The following CTC1 variants were observed in gnomAD, a reference collection of about 807,000 sequenced individuals.
CTC1 encodes the protein CST telomere replication complex component 1.
In CTC1, 91 loss-of-function variants were observed where a neutral mutation model predicts 136.3. The observed-to-expected ratio is 0.67, with a 90% CI of 0.56 to 0.79. CTC1 has a LOEUF of 0.79. Ranked by LOEUF, CTC1 falls within the 30% of genes least tolerant of loss-of-function variation. CTC1 has a pLI of 0.00. For synonymous variants in CTC1, 606 were observed against 613.8 expected (o/e 0.99, Z 0.19); for missense variants, 1,432 against 1,498.1 (o/e 0.96, Z 0.73).
At chr17:8,232,274 G>A in intron 12 of CTC1, 47 bp from the exon 13 acceptor site, 2 of 1,550,094 alleles carry the variant, frequency 1.3e-6, no homozygotes, top group Non-Finnish European at 1.7e-6. Flanking sequence ...GCAGGCATTG[G>A]GTATTTTGGT....
Position 8,227,103 on chromosome 17 carries a change from T to C in CTC1, c.*1077A>G, listed in dbSNP as rs951946155. On this transcript the variant is annotated 3_prime_UTR_variant, in exon 23 of 23. Coordinates refer to ENST00000651323, the MANE Select transcript of CTC1 (RefSeq NM_025099.6). The stretch of plus-strand genomic sequence containing the variant: ...GTCTACTTCAAATCTTAATATAGGG[T>C]ATTGCTACCATAAAAGCAGCATAAA... 6.6e-6 allele frequency: 1 copy of C among 150,512 alleles called. No individual in the cohort carries two copies. Among genetic ancestry groups the C allele is most frequent in the African/African-American group, 2.5e-5 (1 of 39,850 alleles). 9.3% of individuals were successfully genotyped at this position (150,512 alleles called of 1,614,324 possible). A position where few individuals can be genotyped will look rare whatever the true frequency, so the allele number is the denominator to read the frequency against.
chr17:8,241,843 C>A, intron 2 of CTC1, among the ~76,000 whole-genome samples: 1 of 83,860 alleles, frequency 1.2e-5, no homozygotes, highest in Non-Finnish European at 2.4e-5. Flanking sequence ...GAGTGAGACC[C>A]TGTCTCAAAA....
At position 8,228,522 on chromosome 17, in the gene CTC1, C is replaced by T. The variant is rs556097361; in HGVS notation, c.3495G>A (p.Pro1165=). The change falls in exon 22 of 23, where the codon CCG becomes CCA. Residue 1165 remains proline (P), a synonymous_variant. Coordinates refer to ENST00000651323, the MANE Select transcript of CTC1 (RefSeq NM_025099.6). ...CCTTACCTAATGGGACGATCTTCGACGGTTTCCTTTCCAGCTCAAAAGAAA... is the reference window on the plus strand; with the variant it reads ...CCTTACCTAATGGGACGATCTTCGATGGTTTCCTTTCCAGCTCAAAAGAAA... The part of the protein sequence containing the change: ...IVLSFELERK[P]SKIVPLEPPR... 1.9e-5 allele frequency: 30 copies of T among 1,614,112 alleles called. No homozygotes were observed. Among genetic ancestry groups the T allele is most frequent in the Admixed American group, 5.0e-5 (3 of 60,014 alleles).
In CTC1 at chr17:8,227,105, T is replaced by A. The variant is rs1338628087; in HGVS notation, c.*1075A>T. ...CTACTTCAAATCTTAATATAGGGTATTGCTACCATAAAAGCAGCATAAATC... is the reference window on the plus strand; with the variant it reads ...CTACTTCAAATCTTAATATAGGGTAATGCTACCATAAAAGCAGCATAAATC... On this transcript the variant is annotated 3_prime_UTR_variant, in exon 23 of 23. Coordinates refer to ENST00000651323, the MANE Select transcript of CTC1 (RefSeq NM_025099.6). 6.6e-6 allele frequency: 1 copy of A among 150,522 alleles called. No homozygotes were observed. Among genetic ancestry groups the A allele is most frequent in the Non-Finnish European group, 1.5e-5 (1 of 68,040 alleles). The allele number at this position is 150,522 out of a possible 1,614,324, so 9.3% of individuals were successfully genotyped here. A position where few individuals can be genotyped will look rare whatever the true frequency, so the allele number is the denominator to read the frequency against.
rs1196196727 is a variant in CTC1 at position 8,234,602 on chromosome 17, T to C, written c.1671A>G (p.Glu557=). The part of the protein sequence containing the change: ...SSFPTLATLK[E]EGQRKAWASF... Reference sequence around the variant, plus strand: ...AGGCCCAGGCCTTACGCTGTCCTTCTTCTTTCAGGGTGGCCAGAGTGGGGA... The same window carrying C: ...AGGCCCAGGCCTTACGCTGTCCTTCCTCTTTCAGGGTGGCCAGAGTGGGGA... Residue 557 remains glutamate, a synonymous_variant, in exon 10 of 23, where the codon GAA becomes GAG. Coordinates refer to ENST00000651323, the MANE Select transcript of CTC1 (RefSeq NM_025099.6). 1.9e-6 allele frequency: 3 copies of C among 1,612,250 alleles called. No individual in the cohort carries two copies. Among genetic ancestry groups the C allele is most frequent in the African/African-American group, 2.7e-5 (2 of 74,904 alleles).
rs781165878 is a variant in CTC1 at position 8,243,037 on chromosome 17, C to G, written c.145G>C (p.Val49Leu). The G allele has an allele frequency of 1.9e-6, 3 of 1,613,932 alleles. No individual in the cohort carries two copies. Among genetic ancestry groups the G allele is most frequent in the Non-Finnish European group, 2.5e-6 (3 of 1,179,944 alleles). Residue 49 changes from valine (V) to leucine (L), a missense_variant, in exon 2 of 23, where the codon GTC (valine) becomes CTC (leucine). By Grantham distance (32) the Val-to-Leu change is conservative. Transcript: ENST00000651323. ...TPLVIDCVKT[V>L]WLSQGRNQGS... Reference sequence around the variant, plus strand: ...TGGTTCCTTCCCTGGGACAACCAGACAGTCTTCACACAATCAATTACCAAT... The same window carrying G: ...TGGTTCCTTCCCTGGGACAACCAGAGAGTCTTCACACAATCAATTACCAAT...
intron 2 of CTC1, among the ~76,000 whole-genome samples, chr17:8,242,315 G>A (rs1477460175): frequency 6.6e-6 from 1 of 152,014 alleles, no homozygotes; most frequent in Non-Finnish European, 1.5e-5. Flanking sequence ...TTACAGGCAT[G>A]AGCCACTGCA....
rs2151508864 is a variant in CTC1, at chr17:8,231,902, C to G, written c.2385+1G>C. 1 of 1,613,676 alleles carries G rather than the reference C, an allele frequency of 6.2e-7. No individual in the cohort carries two copies. Among genetic ancestry groups the G allele is most frequent in the Non-Finnish European group, 8.5e-7 (1 of 1,179,812 alleles). On this transcript the variant is annotated splice_donor_variant, in intron 13 of 22. Transcript: ENST00000651323. LOFTEE classifies it high-confidence loss of function. ...CCTGGGTCCCTGGAGTCCCAGTTTACCTTCTGATCATTGTCGTCATTTCCC... is the reference window on the plus strand; with the variant it reads ...CCTGGGTCCCTGGAGTCCCAGTTTAGCTTCTGATCATTGTCGTCATTTCCC...
Position 8,236,351 on chromosome 17 carries a change from T to C in CTC1, c.793-9A>G. 1 of 1,599,116 alleles carries C rather than the reference T, an allele frequency of 6.3e-7. No individual in the cohort carries two copies. Among genetic ancestry groups the C allele is most frequent in the Non-Finnish European group, 8.5e-7 (1 of 1,176,412 alleles). On this transcript the variant is annotated splice_polypyrimidine_tract_variant and intron_variant, in intron 5 of 22. Transcript: ENST00000651323. ...ACCAGCTGGGCAGGGACCTGGCTTGTGCAGAGACAGGCAATGTGACACAAG... is the reference window on the plus strand; with the variant it reads ...ACCAGCTGGGCAGGGACCTGGCTTGCGCAGAGACAGGCAATGTGACACAAG...
intron 16 of CTC1, 43 bp from the exon 17 acceptor site, chr17:8,230,511 C>G (rs1312725929): frequency 1.2e-6 from 2 of 1,613,422 alleles, no homozygotes; most frequent in Non-Finnish European, 1.7e-6. Context: ...GTGAAGTCCA[C>G]AAAGTCCCAT....
intron 2 of CTC1, among the ~76,000 whole-genome samples, chr17:8,239,033 A>C (rs1987993502): frequency 2.0e-5 from 3 of 147,352 alleles, no homozygotes. Flanking sequence ...TGGAGGTTGC[A>C]GTGAGCTGAG....
intron 1 of CTC1, among the ~76,000 whole-genome samples, chr17:8,243,460 G>A (rs1339261571): frequency 6.6e-6 from 1 of 151,580 alleles, no homozygotes; most frequent in Non-Finnish European, 1.5e-5. Flanking sequence ...CGGAGGTTGT[G>A]GTGAGCCAAG....
rs561912075 is a variant in CTC1, at chr17:8,233,165, C to T, written c.1819-133G>A. ...AAGACACGTCTCTGGCTTCAAAAAA[C>T]TTATATTCAAGTGGGGAAGACAGAC... On this transcript the variant is annotated intron_variant, in intron 10 of 22. Coordinates refer to ENST00000651323, the MANE Select transcript of CTC1 (RefSeq NM_025099.6). 9.3e-6 allele frequency: 9 copies of T among 968,572 alleles called. No individual in the cohort carries two copies. The Admixed American group carries it at 1.7e-4, about 18-fold the overall frequency. 60.0% of individuals were successfully genotyped at this position (968,572 alleles called of 1,614,324 possible). A position where few individuals can be genotyped will look rare whatever the true frequency, so the allele number is the denominator to read the frequency against.
At position 8,230,630 on chromosome 17, in the gene CTC1, A is replaced by T; in HGVS notation, c.2691T>A (p.Ser897=). 1 of 1,614,206 alleles carries T rather than the reference A, an allele frequency of 6.2e-7. No individual in the cohort carries two copies. The highest frequency in any genetic ancestry group is 8.5e-7 in the Non-Finnish European group (1 of 1,180,006). Residue 897 remains serine (S), a synonymous_variant, in exon 16 of 23, where the codon TCT becomes TCA. Transcript: ENST00000651323. ...LSDNFTDSLV[S]FSAEILSRTL... ...TCCGTGACAAAATCTCAGCGGAGAA[A>T]GACACCAAGGAATCTGTGAAACTGG...
intron 1 of CTC1, among the ~76,000 whole-genome samples, chr17:8,244,509 G>A (rs1426076677): frequency 6.6e-6 from 1 of 151,876 alleles, no homozygotes; most frequent in Non-Finnish European, 1.5e-5. Context: ...TTAACATCCT[G>A]GTCAATCTTT....
At chr17:8,243,241 C>G in intron 1 of CTC1, 93 bp from the exon 2 acceptor site, 1 of 1,248,334 alleles carries the variant, frequency 8.0e-7, no homozygotes. Flanking sequence ...ATATCCGGGC[C>G]GGGTGCGGTG....
Position 8,229,167 on chromosome 17 carries a change from T to A in CTC1, c.3196A>T (p.Thr1066Ser), listed in dbSNP as rs373875495. 10 of 1,613,990 alleles carry A rather than the reference T, an allele frequency of 6.2e-6. No individual in the cohort carries two copies. The highest frequency in any genetic ancestry group is 8.5e-6 in the Non-Finnish European group (10 of 1,180,052). The change falls in exon 20 of 23, where the codon ACA (threonine) becomes TCA (serine). Residue 1066 changes from threonine to serine, a missense_variant. By Grantham distance (58) the Thr-to-Ser change is moderately conservative. Coordinates refer to ENST00000651323, the MANE Select transcript of CTC1 (RefSeq NM_025099.6). ...CTGATGATGGCCTGGCTTATAGCTG[T>A]CTGCGTAGGGCAAGTGGAGCCCAGG... is the stretch of plus-strand genomic sequence containing the variant. ...TRLGSTCPTQ[T>S]AISQAIIRLL...
At position 8,231,771 on chromosome 17, in the gene CTC1, G is replaced by C; in HGVS notation, c.2430C>G (p.Phe810Leu). 6.2e-7 allele frequency: 1 copy of C among 1,614,202 alleles called. No homozygotes were observed. The highest frequency in any genetic ancestry group is 8.5e-7 in the Non-Finnish European group (1 of 1,180,024). ...GTCGGTACACCTGTCCCGGGTGCAA[G>C]AACTCAAACCAGCGGACTGAAGAGC... is the stretch of plus-strand genomic sequence containing the variant. Reference protein sequence around the residue: ...FFGSSVRWFEFLHPGQVYRLI... With the variant: ...FFGSSVRWFELLHPGQVYRLI... Residue 810 changes from phenylalanine to leucine, a missense_variant, in exon 14 of 23, where the codon TTC becomes TTG. Phe to Leu is a conservative substitution (Grantham distance 22). Transcript: ENST00000651323.
At position 8,238,432 on chromosome 17, in the gene CTC1, CTTCCGTTCCT is replaced by C. The variant is rs756859128; in HGVS notation, c.385_394del (p.Arg129AlafsTer4). On this transcript the variant is annotated frameshift_variant, in exon 3 of 23. Coordinates refer to ENST00000651323, the MANE Select transcript of CTC1 (RefSeq NM_025099.6). LOFTEE classifies it high-confidence loss of function. ...GCCAGTGTTATCTCTCACATAGAGG[CTTCCGTTCCT>C]GCACTCTTGTTCCAAGTCTGCCGAT... The C allele has an allele frequency of 1.9e-6, 3 of 1,614,196 alleles. No homozygotes were observed. Among genetic ancestry groups the C allele is most frequent in the Admixed American group, 3.3e-5 (2 of 60,024 alleles).
Sources: allele counts gnomAD v4.1 joint callset (sites outside exome capture counted in the v4.1 genomes callset), GRCh38; gene constraint gnomAD v4.1.1; transcripts MANE v1.5; gene names NCBI Gene and HGNC (gene_info 2026-07-23, HGNC 2026-07-21).